The following HELQ variants were observed in gnomAD, a reference collection of about 807,000 sequenced individuals.
HELQ encodes the protein helicase, POLQ like.
Under a neutral mutation model 111.6 loss-of-function variants are expected in HELQ, and 77 were observed. The ratio of observed to expected loss-of-function variants is 0.69; its 90% CI spans 0.57 to 0.83. The LOEUF is 0.83. Ranked by LOEUF, HELQ falls within the 40% of genes least tolerant of loss-of-function variation. The pLI is 0.00. For synonymous variants in HELQ, 438 were observed against 454.7 expected, an observed-to-expected ratio of 0.96 and a Z score of 0.47; for missense variants, 1,200 against 1,288.5, an observed-to-expected ratio of 0.93 and a Z score of 1.05.
intron 15 of HELQ, among the ~76,000 whole-genome samples, chr4:83,421,121 T>G (rs1739659507): frequency 6.6e-6 from 1 of 152,120 alleles, no homozygotes. Flanking sequence ...AAAATTAAAT[T>G]TTTTTAAAAA....
Position 83,453,667 on chromosome 4 carries a change from C to G in HELQ, c.576G>C (p.Leu192Phe). The G allele has an allele frequency of 1.9e-6, 3 of 1,614,122 alleles. No homozygotes were observed. The highest frequency in any genetic ancestry group is 2.5e-6 in the Non-Finnish European group (3 of 1,180,006). The change falls in exon 2 of 18, where the codon TTG (leucine) becomes TTC (phenylalanine). Residue 192 changes from leucine (L) to phenylalanine (F), a missense_variant. Transcript: ENST00000295488. ...GVTIEPGADL[L>F]YDVPSSQAIY... is the part of the protein sequence containing the mutation. ...TAGCCTGTGAGGAAGGTACATCATACAAAAGATCAGCTCCAGGTTCAATAG... is the reference window on the plus strand; with the variant it reads ...TAGCCTGTGAGGAAGGTACATCATAGAAAAGATCAGCTCCAGGTTCAATAG...
rs1230702144 is a variant in HELQ at position 83,429,543 on chromosome 4, C to A, written c.2499G>T (p.Leu833Phe). Residue 833 changes from leucine to phenylalanine, a missense_variant, in exon 12 of 18, where the codon TTG becomes TTT. Leu to Phe is a conservative substitution (Grantham distance 22, BLOSUM62 0). This residue lies in a region of HELQ where 585 missense variants were observed against 665.3 expected (regional missense o/e 0.88). Transcript: ENST00000295488. ...TCTTACCCTTAAATGAAGCACGTCC[C>A]AACTTTGTAATATGAAAATTATATT... ...EVQYNFHITK[L>F]GRASFKGTID... 8.1e-6 allele frequency: 13 copies of A among 1,605,686 alleles called. No individual in the cohort carries two copies. Among genetic ancestry groups the A allele is most frequent in the African/African-American group, 1.3e-5 (1 of 74,628 alleles).
chr4:83,411,893 C>A (rs1289274103), intron 17 of HELQ, among the ~76,000 whole-genome samples: 1 of 152,124 alleles, frequency 6.6e-6, no homozygotes, highest in African/African-American at 2.4e-5. Flanking sequence ...TTCTCCCACT[C>A]TGGTCTCTCA....
chr4:83,421,074 G>A (rs1739655948), intron 15 of HELQ, among the ~76,000 whole-genome samples: 1 of 152,154 alleles, frequency 6.6e-6, no homozygotes, highest in Non-Finnish European at 1.5e-5. Flanking sequence ...GCCTCCCAAA[G>A]TGCTAGGATT....
In HELQ at chr4:83,423,723, C is replaced by T. The variant is rs183327573; in HGVS notation, c.2776-1987G>A. On this transcript the variant is annotated intron_variant, in intron 14 of 17. Transcript: ENST00000295488. The stretch of plus-strand genomic sequence containing the variant: ...GTCAGGAGTTTAAGATCAGCCTGGC[C>T]AACATGGTGAAACTCCATCTCTACT... Among the ~76,000 whole-genome samples, 106 of 152,176 alleles carry T rather than the reference C, an allele frequency of 7.0e-4. No individual in the cohort carries two copies. In the South Asian group the frequency reaches 0.013, roughly 19 times the overall value.
chr4:83,453,237 A>G lies in HELQ; in HGVS notation c.1006T>C (p.Leu336=). The change falls in exon 2 of 18, where the codon TTA becomes CTA. Residue 336 remains leucine, a synonymous_variant. Transcript: ENST00000295488. ...TTCCAGCAAAAAGCATTACCATATA[A>G]TTTTTCAATTCCCTTGAATTGGGCA... is the stretch of plus-strand genomic sequence containing the variant. ...LYAQFKGIEK[L]YEWQHTCLTL... 1 of 1,594,276 alleles carries G rather than the reference A, an allele frequency of 6.3e-7. No individual in the cohort carries two copies. The highest frequency in any genetic ancestry group is 1.1e-5 in the South Asian group (1 of 87,356).
At chr4:83,455,835 A>C (rs915399281), upstream of HELQ, 1 of 858,774 alleles carries the variant, frequency 1.2e-6, no homozygotes, top group Non-Finnish European at 1.8e-6. Flanking sequence ...GGGCTCGCGG[A>C]CCGGAAGCAC....
At chr4:83,434,131 G>T (rs1281296800) in intron 9 of HELQ, among the ~76,000 whole-genome samples, 1 of 152,068 alleles carries the variant, frequency 6.6e-6, no homozygotes, top group Admixed American at 6.5e-5. Context: ...AGCACTTCGG[G>T]AGGCCACGGT....
At chr4:83,449,333 G>A (rs758285670) in intron 2 of HELQ, among the ~76,000 whole-genome samples, 25 of 152,340 alleles carry the variant, frequency 1.6e-4, no homozygotes, top group Non-Finnish European at 3.1e-4. Context: ...TGTTCTGCAA[G>A]GAGATTATAT....
chr4:83,429,762 A>T lies in HELQ; in HGVS notation c.2296-16T>A, dbSNP rs747112217. On this transcript the variant is annotated splice_polypyrimidine_tract_variant and intron_variant, in intron 11 of 17. Transcript: ENST00000295488. The stretch of plus-strand genomic sequence containing the variant: ...TCGTTGCAATCTGAAACAATTCAGG[A>T]TATCATTGGAGCATTTTCCTTAATT... The T allele has an allele frequency of 6.5e-7, 1 of 1,542,290 alleles. No individual in the cohort carries two copies. Among genetic ancestry groups the T allele is most frequent in the Non-Finnish European group, 8.9e-7 (1 of 1,120,244 alleles).
intron 1 of HELQ, among the ~76,000 whole-genome samples, chr4:83,454,633 C>T (rs1377622616): frequency 6.7e-6 from 1 of 149,820 alleles, no homozygotes; most frequent in Non-Finnish European, 1.5e-5. Context: ...GTTGCCTAGG[C>T]TGGTTTTGAA....
chr4:83,443,631 C>CA lies in HELQ; in HGVS notation c.1466-18dup. 8.6e-7 allele frequency: 1 copy of CA among 1,158,846 alleles called. No individual in the cohort carries two copies. 71.8% of individuals were successfully genotyped at this position (1,158,846 alleles called of 1,614,324 possible). A position where few individuals can be genotyped will look rare whatever the true frequency, so the allele number is the denominator to read the frequency against. ...GAGTCGTTTCTAAAACACAAACAAA[C>CA]AAAAGCCAAAGTGTTAAGGAAAATA... is the stretch of plus-strand genomic sequence containing the variant. On this transcript the variant is annotated splice_polypyrimidine_tract_variant and intron_variant, in intron 5 of 17. Coordinates refer to ENST00000295488, the MANE Select transcript of HELQ (RefSeq NM_133636.5).
chr4:83,424,718 T>C (rs560169006), intron 14 of HELQ, among the ~76,000 whole-genome samples: 1 of 152,116 alleles, frequency 6.6e-6, no homozygotes, highest in South Asian at 2.1e-4. Flanking sequence ...CCACCACACA[T>C]AGCTAATTTT....
intron 1 of HELQ, among the ~76,000 whole-genome samples, chr4:83,454,724 G>A (rs1262350947): frequency 1.3e-5 from 2 of 152,120 alleles, no homozygotes; most frequent in South Asian, 4.2e-4. Context: ...ACTGCACACG[G>A]CCAGATTGTA....
intron 3 of HELQ, among the ~76,000 whole-genome samples, chr4:83,447,980 T>C (rs1365214112): frequency 1.3e-5 from 2 of 149,010 alleles, no homozygotes; most frequent in African/African-American, 5.0e-5. Context: ...GGGGCCGAGG[T>C]GGGAGGATCA....
At chr4:83,451,458 C>G (rs1263816370) in intron 2 of HELQ, among the ~76,000 whole-genome samples, 6 of 151,664 alleles carry the variant, frequency 4.0e-5, no homozygotes, top group Non-Finnish European at 5.9e-5. Flanking sequence ...GTCAGGAGAT[C>G]GAGACCATCC....
intron 9 of HELQ, 65 bp from the exon 10 acceptor site, chr4:83,432,332 C>A: frequency 8.3e-7 from 1 of 1,209,152 alleles, no homozygotes; most frequent in Admixed American, 2.8e-5. Flanking sequence ...TTCTTAATTT[C>A]ATTATATATT....
chr4:83,437,603 TAAA>T (rs11337269), intron 8 of HELQ, among the ~76,000 whole-genome samples: 991 of 97,856 alleles, frequency 0.01, 12 homozygotes, highest in African/African-American at 0.032. Context: ...AAGCCTTGTC[TAAA>T]AAAAAAAAAA....
chr4:83,419,795 G>A (rs1055843621), intron 15 of HELQ, among the ~76,000 whole-genome samples: 4 of 152,024 alleles, frequency 2.6e-5, no homozygotes, highest in African/African-American at 9.6e-5. Context: ...TGTGCTCAGG[G>A]GGTATAAACC....
Sources: gnomAD v4.1 joint callset for allele counts (sites outside exome capture counted in the v4.1 genomes callset) on GRCh38, gnomAD v4.1.1 for gene constraint, gnomAD v4.1.1 regional missense constraint, MANE v1.5 for transcripts, NCBI Gene and HGNC (gene_info 2026-07-23, HGNC 2026-07-21) for gene names.